The following BNIP3L variants were observed in gnomAD, a reference collection of about 807,000 sequenced individuals.
BNIP3L encodes BCL2 interacting protein 3 like.
A neutral mutation model predicts 25.5 loss-of-function variants in BNIP3L; 10 were observed. The observed-to-expected ratio is 0.39, with a 90% CI of 0.24 to 0.67. The LOEUF (loss-of-function observed/expected upper bound fraction) is 0.67. Ranked by LOEUF, BNIP3L falls within the 30% of genes least tolerant of loss-of-function variation. The pLI is 0.45. For synonymous variants in BNIP3L, 113 were observed against 101.2 expected, an observed-to-expected ratio of 1.12 and a Z score of -0.70; for missense variants, 215 against 270.9, an observed-to-expected ratio of 0.79 and a Z score of 1.45.
intron 3 of BNIP3L, among the ~76,000 whole-genome samples, chr8:26,403,265 C>T (rs2117489037): frequency 6.6e-6 from 1 of 152,004 alleles, no homozygotes; most frequent in African/African-American, 2.4e-5. Flanking sequence ...CTTTCAAAAA[C>T]CTTTGACATT....
rs1806642656 is a variant in BNIP3L, at chr8:26,412,187, A to C, written c.*1775A>C. ...CTGTCTTACTCTTAAACCTGGTAAC[A>C]CTTGATTTGCCTTCTATAACCTATT... On this transcript the variant is annotated 3_prime_UTR_variant, in exon 6 of 6. Transcript: ENST00000380629. 1 of 152,150 alleles carries C rather than the reference A, an allele frequency of 6.6e-6. No homozygotes were observed. The highest frequency in any genetic ancestry group is 6.5e-5 in the Admixed American group (1 of 15,268). 9.4% of individuals were successfully genotyped at this position (152,150 alleles called of 1,614,324 possible). A position where few individuals can be genotyped will look rare whatever the true frequency, so the allele number is the denominator to read the frequency against.
chr8:26,391,550 G>C, intron 2 of BNIP3L, 124 bp downstream of exon 2: 11 of 760,276 alleles, frequency 1.4e-5, no homozygotes, highest in Non-Finnish European at 2.2e-5. Context: ...ATATATTGTA[G>C]TATAATATAT....
Position 26,383,120 on chromosome 8 carries a change from G to T in BNIP3L, c.-11G>T. 6.2e-7 allele frequency: 1 copy of T among 1,602,760 alleles called. No homozygotes were observed. Among genetic ancestry groups the T allele is most frequent in the Non-Finnish European group, 8.5e-7 (1 of 1,174,798 alleles). ...TCCTGCTGCTGCCGCAGTCCTGCCA[G>T]CTGTCCGACAATGTCGTCCCACCTA... On this transcript the variant is annotated 5_prime_UTR_variant, in exon 1 of 6. Transcript: ENST00000380629.
At chr8:26,389,173 TTAC>T (rs1806054191) in intron 1 of BNIP3L, among the ~76,000 whole-genome samples, 1 of 152,188 alleles carries the variant, frequency 6.6e-6, no homozygotes, top group Non-Finnish European at 1.5e-5. Flanking sequence ...TTTTGGTTTG[TTAC>T]TATTGTACAC....
intron 2 of BNIP3L, among the ~76,000 whole-genome samples, chr8:26,392,455 G>GA (rs1037524185): frequency 1.3e-5 from 2 of 152,042 alleles, no homozygotes; most frequent in African/African-American, 4.8e-5. Flanking sequence ...CAGAAGAAGT[G>GA]AAAAAAAGGA....
At chr8:26,385,878 ACT>A (rs1291235273) in intron 1 of BNIP3L, among the ~76,000 whole-genome samples, 1 of 151,970 alleles carries the variant, frequency 6.6e-6, no homozygotes, top group East Asian at 1.9e-4. Context: ...CTTGCCTCTC[ACT>A]CTGTTCGTTT....
At chr8:26,399,937 A>G (rs1309664175) in intron 3 of BNIP3L, among the ~76,000 whole-genome samples, 1 of 150,056 alleles carries the variant, frequency 6.7e-6, no homozygotes, top group Non-Finnish European at 1.5e-5. Context: ...ATGGAAGAAC[A>G]TTCCATGCTC....
At chr8:26,391,466 G>A (rs1282032256) in intron 2 of BNIP3L, 40 bp downstream of exon 2, 2 of 1,470,646 alleles carry the variant, frequency 1.4e-6, no homozygotes, top group East Asian at 2.4e-5. Flanking sequence ...CAGGAAACAG[G>A]TGGGTTACAG....
Position 26,408,008 on chromosome 8 carries a change from A to C in BNIP3L, c.366A>C (p.Glu122Asp). The C allele has an allele frequency of 6.2e-7, 1 of 1,614,134 alleles. No individual in the cohort carries two copies. Among genetic ancestry groups the C allele is most frequent in the Non-Finnish European group, 8.5e-7 (1 of 1,179,968 alleles). The change falls in exon 4 of 6, where the codon GAA (glutamate) becomes GAC (aspartate). Residue 122 changes from glutamate (E) to aspartate (D), a missense_variant. Physicochemically the swap from Glu to Asp is conservative, Grantham distance 45. Transcript: ENST00000380629. ...TSRDHSSQSE[E>D]EVVEGEKEVE... is the part of the protein sequence containing the mutation. ...TGAATTCTTCTTTACAGTCAGAAGA[A>C]GAAGTTGTAGAAGGAGAGAAGGAAG...
chr8:26,388,528 G>A (rs1479648769), intron 1 of BNIP3L, among the ~76,000 whole-genome samples: 11 of 152,068 alleles, frequency 7.2e-5, no homozygotes, highest in Admixed American at 7.2e-4. Context: ...TATGATTCAG[G>A]GTGTGGAGGC....
At chr8:26,397,034 T>C (rs11778695) in intron 3 of BNIP3L, among the ~76,000 whole-genome samples, 1,590 of 22,498 alleles carry the variant, frequency 0.071, 81 homozygotes, top group Non-Finnish European at 0.088. Context: ...TGGAACCAAG[T>C]TGGAAAACAC....
At chr8:26,393,568 G>T (rs1456831294) in intron 2 of BNIP3L, among the ~76,000 whole-genome samples, 1 of 151,874 alleles carries the variant, frequency 6.6e-6, no homozygotes, top group Non-Finnish European at 1.5e-5. Flanking sequence ...TTGTTAGGAG[G>T]AGTAAACAGT....
chr8:26,390,159 C>T (rs1025358006), intron 1 of BNIP3L, among the ~76,000 whole-genome samples: 1 of 152,134 alleles, frequency 6.6e-6, no homozygotes, highest in East Asian at 1.9e-4. Context: ...TTGCCATGTT[C>T]CCCAGGCTGG....
intron 3 of BNIP3L, among the ~76,000 whole-genome samples, chr8:26,406,952 ATCCTTTTATT>A (rs1250389141): frequency 1.3e-5 from 2 of 150,726 alleles, no homozygotes; most frequent in African/African-American, 4.9e-5. Context: ...TTTTTAGCAT[ATCCTTTTATT>A]TCCTTTTATT....
intron 1 of BNIP3L, among the ~76,000 whole-genome samples, chr8:26,387,434 C>T (rs1334429296): frequency 3.3e-5 from 5 of 152,166 alleles, no homozygotes. Context: ...GAGGAGAATT[C>T]ACTCTGTGGT....
chr8:26,390,743 A>C (rs1462792111), intron 1 of BNIP3L, among the ~76,000 whole-genome samples: 1 of 152,180 alleles, frequency 6.6e-6, no homozygotes, highest in Non-Finnish European at 1.5e-5. Flanking sequence ...AGTTGTTTGC[A>C]CTAAGTAGGA....
At chr8:26,391,452 A>C in intron 2 of BNIP3L, 26 bp downstream of exon 2, 1 of 1,499,762 alleles carries the variant, frequency 6.7e-7, no homozygotes, top group Non-Finnish European at 8.9e-7. Context: ...GTTTTGGTGG[A>C]ATTCAGGAAA....
chr8:26,406,266 T>G (rs1405729852), intron 3 of BNIP3L, among the ~76,000 whole-genome samples: 7 of 152,198 alleles, frequency 4.6e-5, no homozygotes, highest in Admixed American at 2.0e-4. Context: ...TCCCAAAAAC[T>G]TTTGGCTAAC....
chr8:26,408,681 G>A (rs1806551737), intron 5 of BNIP3L, among the ~76,000 whole-genome samples: 1 of 152,086 alleles, frequency 6.6e-6, no homozygotes, highest in Non-Finnish European at 1.5e-5. Context: ...AGACCAGCCT[G>A]GCCAACATGG....
Sources: gnomAD v4.1 joint callset for allele counts (sites outside exome capture counted in the v4.1 genomes callset) on GRCh38, gnomAD v4.1.1 for gene constraint, MANE v1.5 for transcripts, NCBI Gene and HGNC (gene_info 2026-07-23, HGNC 2026-07-21) for gene names.